Variants in GOLM1 observed in about 807,000 individuals in gnomAD.
GOLM1 encodes the protein golgi membrane protein 1, also known as epididymis luminal protein 46.
A neutral mutation model predicts 50.5 loss-of-function variants in GOLM1; 31 were observed. The ratio of observed to expected loss-of-function variants is 0.61; its 90% CI spans 0.46 to 0.83. The LOEUF (loss-of-function observed/expected upper bound fraction) is 0.83, where lower values mean the gene tolerates loss of function less well. Ranked by LOEUF, GOLM1 falls within the 40% of genes least tolerant of loss-of-function variation. The pLI is 0.00. For missense variants in GOLM1, 491 were observed against 501.3 expected (o/e 0.98, Z 0.20); for synonymous variants, 178 against 192.8 (o/e 0.92, Z 0.64).
At chr9:86,078,218 G>A (rs1171844134) in intron 2 of GOLM1, among the ~76,000 whole-genome samples, 1 of 152,198 alleles carries the variant, frequency 6.6e-6, no homozygotes, top group African/African-American at 2.4e-5. Context: ...GCCTTGTAGG[G>A]TTTGTGCACA....
At chr9:86,053,578 A>G (rs1209269914) in intron 3 of GOLM1, among the ~76,000 whole-genome samples, 1 of 458 alleles carries the variant, frequency 2.2e-3, no homozygotes, top group Non-Finnish European at 5.5e-3. Flanking sequence ...CATCACACAC[A>G]CCACACACCA....
Position 86,060,886 on chromosome 9 carries a change from AAAAAAAAAAAAAAAAAAAAAAAAAAAAAG to A in GOLM1, c.310-8324_310-8296del, listed in dbSNP as rs1266632566. ...AGAGCGAAACTCTCTCAAAAAAAAAAAAAAAAAAAAAAAAAAAAAAAAAAAAAAGAAGAAGAAGAAGAAGTTACACAACA... is the reference window on the plus strand; with the variant it reads ...AGAGCGAAACTCTCTCAAAAAAAAAAAAGAAGAAGAAGAAGTTACACAACA... On this transcript the variant is annotated intron_variant, in intron 3 of 9. Coordinates refer to ENST00000388712, the MANE Select transcript of GOLM1 (RefSeq NM_016548.4). Among the ~76,000 whole-genome samples the A allele has an allele frequency of 2.0e-4, 14 of 71,408 alleles. No individual in the cohort carries two copies. The South Asian group carries it at 8.0e-3, about 41-fold the overall frequency. 46.8% of individuals were successfully genotyped at this position (71,408 alleles called of 152,430 possible).
intron 1 of GOLM1, among the ~76,000 whole-genome samples, 159 bp from the exon 2 acceptor site, chr9:86,079,500 T>C (rs1834723730): frequency 6.6e-6 from 1 of 152,188 alleles, no homozygotes; most frequent in Non-Finnish European, 1.5e-5. Context: ...GAAGAGTATG[T>C]GAACGGCACG....
chr9:86,056,464 C>T (rs1032310014), intron 3 of GOLM1, among the ~76,000 whole-genome samples: 22 of 151,096 alleles, frequency 1.5e-4, no homozygotes, highest in African/African-American at 4.6e-4. Context: ...AGAAAAAACC[C>T]TGAGTTCGAC....
At chr9:86,049,001 G>A (rs866270304) in intron 4 of GOLM1, among the ~76,000 whole-genome samples, 3 of 152,086 alleles carry the variant, frequency 2.0e-5, no homozygotes, top group Non-Finnish European at 4.4e-5. Flanking sequence ...GAGTTTTTAT[G>A]GTTTTAGGTC....
chr9:86,039,484 A>G (rs1296319238), intron 6 of GOLM1, among the ~76,000 whole-genome samples: 2 of 152,244 alleles, frequency 1.3e-5, no homozygotes, highest in Admixed American at 6.5e-5. Context: ...ATGACCACAC[A>G]AAAGCTTCAT....
intron 5 of GOLM1, 33 bp from the exon 6 acceptor site, chr9:86,040,901 C>T (rs538048902): frequency 4.1e-5 from 66 of 1,606,496 alleles, no homozygotes; most frequent in African/African-American, 1.2e-4. Flanking sequence ...AAGGGCCTGA[C>T]GTCTATGACT....
Position 86,035,582 on chromosome 9 carries a change from CCTCT to C in GOLM1, c.797_800del (p.Gln266ArgfsTer19). 5 of 1,607,010 alleles carry C rather than the reference CCTCT, an allele frequency of 3.1e-6. No individual in the cohort carries two copies. The highest frequency in any genetic ancestry group is 4.2e-6 in the Non-Finnish European group (5 of 1,179,378). On this transcript the variant is annotated frameshift_variant, in exon 8 of 10. Transcript: ENST00000388712. LOFTEE classifies it high-confidence loss of function. Reference sequence around the variant, plus strand: ...GGCCTGGCTCCTGCGGCAGCCTGTCCCTCTGAGGCTCCTCATTCACCACCTGGAT... The same window carrying C: ...GGCCTGGCTCCTGCGGCAGCCTGTCCGAGGCTCCTCATTCACCACCTGGAT...
chr9:86,088,879 C>T (rs150311502), intron 1 of GOLM1, among the ~76,000 whole-genome samples: 1,533 of 152,130 alleles, frequency 0.01, 10 homozygotes, highest in Non-Finnish European at 0.016. Context: ...CAATTTGGTA[C>T]GCTTTTGCAG....
At chr9:86,033,243 GA>G in intron 9 of GOLM1, 38 bp downstream of exon 9, 2 of 1,116,894 alleles carry the variant, frequency 1.8e-6, no homozygotes, top group Non-Finnish European at 2.7e-6. Context: ...AAAGAGAAAT[GA>G]AAGGTGACCT....
intron 1 of GOLM1, among the ~76,000 whole-genome samples, chr9:86,089,400 C>T (rs1835101869): frequency 3.3e-5 from 5 of 152,262 alleles, no homozygotes; most frequent in African/African-American, 1.2e-4. Flanking sequence ...ACCAATCAAA[C>T]ATAGGTTTGG....
At chr9:86,057,151 CAA>C (rs1316936655) in intron 3 of GOLM1, among the ~76,000 whole-genome samples, 3 of 152,138 alleles carry the variant, frequency 2.0e-5, no homozygotes, top group African/African-American at 7.2e-5. Flanking sequence ...AACTAAACCT[CAA>C]AGAATCTGGG....
intron 9 of GOLM1, among the ~76,000 whole-genome samples, chr9:86,032,809 C>T (rs187932560): frequency 6.6e-6 from 1 of 152,318 alleles, no homozygotes; most frequent in Non-Finnish European, 1.5e-5. Flanking sequence ...CCTGAATCCA[C>T]CACAAGCAAA....
intron 1 of GOLM1, among the ~76,000 whole-genome samples, chr9:86,094,006 T>C (rs1355479827): frequency 6.6e-6 from 1 of 152,140 alleles, no homozygotes; most frequent in Non-Finnish European, 1.5e-5. Flanking sequence ...GTCACTGCAA[T>C]GAGCAAACAG....
chr9:86,027,590 C>A lies in GOLM1; in HGVS notation c.*227G>T. ...TGAACTTCTCACGAAATACCTACTA[C>A]CAAAAATTGTGACACCTTATTAGAC... On this transcript the variant is annotated 3_prime_UTR_variant, in exon 10 of 10. Transcript: ENST00000388712. The A allele has an allele frequency of 2.3e-6, 3 of 1,308,972 alleles. No individual in the cohort carries two copies. The highest frequency in any genetic ancestry group is 2.9e-6 in the Non-Finnish European group (3 of 1,031,912). The allele number at this position is 1,308,972 out of a possible 1,614,324, so 81.1% of individuals were successfully genotyped here.
At chr9:86,063,964 T>C (rs1344509096) in intron 3 of GOLM1, among the ~76,000 whole-genome samples, 1 of 152,206 alleles carries the variant, frequency 6.6e-6, no homozygotes, top group Non-Finnish European at 1.5e-5. Context: ...ATGCTTTCCA[T>C]GTGGAACTTG....
intron 9 of GOLM1, among the ~76,000 whole-genome samples, chr9:86,031,189 AAC>A (rs1832968665): frequency 6.6e-6 from 1 of 151,910 alleles, no homozygotes; most frequent in Admixed American, 6.6e-5. Context: ...CAGCCTGGGC[AAC>A]AGAGTGAGAC....
At chr9:86,087,905 T>C (rs1835029869) in intron 1 of GOLM1, among the ~76,000 whole-genome samples, 1 of 152,182 alleles carries the variant, frequency 6.6e-6, no homozygotes, top group Admixed American at 6.5e-5. Flanking sequence ...ATTTTCTTTT[T>C]TTGTTGTGTT....
At chr9:86,040,543 G>A (rs1249176374) in intron 6 of GOLM1, among the ~76,000 whole-genome samples, 196 bp downstream of exon 6, 1 of 152,192 alleles carries the variant, frequency 6.6e-6, no homozygotes, top group Non-Finnish European at 1.5e-5. Context: ...CTGAGCTTGT[G>A]AAGCGGGGCT....
Sources: gnomAD v4.1 joint callset for allele counts (sites outside exome capture counted in the v4.1 genomes callset) on GRCh38, gnomAD v4.1.1 for gene constraint, MANE v1.5 for transcripts, NCBI Gene and HGNC (gene_info 2026-07-23, HGNC 2026-07-21) for gene names.